The following PHF2 variants were observed in gnomAD, a reference collection of about 807,000 sequenced individuals.
The protein encoded by PHF2 is PHD finger protein 2.
Under a neutral mutation model 120.5 loss-of-function variants are expected in PHF2, and 27 were observed. The ratio of observed to expected loss-of-function variants is 0.22; its 90% CI spans 0.17 to 0.31. PHF2 has a LOEUF of 0.31. Ranked by LOEUF, PHF2 falls within the 10% of genes least tolerant of loss-of-function variation. The pLI is 1.00. For synonymous variants in PHF2, 568 were observed against 592.5 expected (o/e 0.96, Z 0.60); for missense variants, 1,024 against 1,434.8 (o/e 0.71, Z 4.63).
At chr9:93,595,339 G>C (rs557965477) in intron 1 of PHF2, among the ~76,000 whole-genome samples, 1 of 152,336 alleles carries the variant, frequency 6.6e-6, no homozygotes, top group South Asian at 2.1e-4. Context: ...ATTATCTGTG[G>C]ATGCTCAGAT....
At chr9:93,632,724 A>T (rs1293268507) in intron 2 of PHF2, among the ~76,000 whole-genome samples, 1 of 152,096 alleles carries the variant, frequency 6.6e-6, no homozygotes, top group African/African-American at 2.4e-5. Flanking sequence ...ATTTCAACAG[A>T]TAAATTTTGG....
At chr9:93,668,104 G>A (rs563388485) in intron 17 of PHF2, among the ~76,000 whole-genome samples, 3 of 152,312 alleles carry the variant, frequency 2.0e-5, no homozygotes, top group South Asian at 4.1e-4. Flanking sequence ...TCAATTGGCC[G>A]TACTTTCTTT....
intron 12 of PHF2, among the ~76,000 whole-genome samples, chr9:93,662,023 GATGA>G (rs1826577730): frequency 6.6e-6 from 1 of 151,318 alleles, no homozygotes; most frequent in African/African-American, 2.4e-5. Flanking sequence ...ATGGGTAGAT[GATGA>G]ATGAATCAAC....
At chr9:93,616,769 G>T (rs923328892) in intron 1 of PHF2, among the ~76,000 whole-genome samples, 1 of 151,608 alleles carries the variant, frequency 6.6e-6, no homozygotes, top group Non-Finnish European at 1.5e-5. Context: ...GATTTCTCCT[G>T]CTGCAGCATC....
chr9:93,606,671 T>C (rs1825548585), intron 1 of PHF2, among the ~76,000 whole-genome samples: 1 of 152,218 alleles, frequency 6.6e-6, no homozygotes, highest in South Asian at 2.1e-4. Context: ...TTCTTAACAG[T>C]GTCTTTTGCA....
chr9:93,616,324 G>T (rs1825728683), intron 1 of PHF2, among the ~76,000 whole-genome samples: 1 of 152,162 alleles, frequency 6.6e-6, no homozygotes, highest in African/African-American at 2.4e-5. Flanking sequence ...TGGCCTGAAG[G>T]GTGCAAATCT....
At chr9:93,654,617 C>T (rs3750355) in intron 7 of PHF2, 42 bp downstream of exon 7, 19,648 of 1,585,904 alleles carry the variant, frequency 0.012, 346 homozygotes, top group Admixed American at 0.076. Context: ...TAGGGCTTGC[C>T]GGCCCTCATC....
At chr9:93,619,189 C>T (rs1205060113) in intron 1 of PHF2, among the ~76,000 whole-genome samples, 1 of 152,144 alleles carries the variant, frequency 6.6e-6, no homozygotes, top group Non-Finnish European at 1.5e-5. Context: ...TACCCTTTCC[C>T]TCAGTGTGCC....
chr9:93,580,117 C>T (rs1362968261), intron 1 of PHF2, among the ~76,000 whole-genome samples: 1 of 152,164 alleles, frequency 6.6e-6, no homozygotes, highest in Non-Finnish European at 1.5e-5. Flanking sequence ...GATGTGTGTC[C>T]CTTCACCAAG....
At chr9:93,672,863 G>T in intron 17 of PHF2, 1 of 964,000 alleles carries the variant, frequency 1.0e-6, no homozygotes, top group Non-Finnish European at 1.2e-6. Flanking sequence ...GGTGGAGGTA[G>T]GTACAGGTGT....
At chr9:93,616,353 A>G (rs1391870266) in intron 1 of PHF2, among the ~76,000 whole-genome samples, 2 of 152,182 alleles carry the variant, frequency 1.3e-5, no homozygotes, top group Non-Finnish European at 2.9e-5. Flanking sequence ...CTTTTGATAC[A>G]TACAGCTGGG....
chr9:93,660,681 A>C, intron 12 of PHF2, 121 bp downstream of exon 12: 1 of 937,304 alleles, frequency 1.1e-6, no homozygotes, highest in South Asian at 1.9e-5. Context: ...GCCCCTGAGA[A>C]GATGTGGGGG....
At chr9:93,607,301 T>A (rs2131622726) in intron 1 of PHF2, among the ~76,000 whole-genome samples, 1 of 152,290 alleles carries the variant, frequency 6.6e-6, no homozygotes, top group East Asian at 1.9e-4. Flanking sequence ...AGACAGGGTC[T>A]CACTCTGTCA....
At chr9:93,644,110 G>T (rs1396087571) in intron 3 of PHF2, among the ~76,000 whole-genome samples, 2 of 152,178 alleles carry the variant, frequency 1.3e-5, no homozygotes, top group African/African-American at 4.8e-5. Context: ...GGCTCGGCTG[G>T]GCGCGGTGGC....
chr9:93,599,074 G>A (rs1340953408), intron 1 of PHF2, among the ~76,000 whole-genome samples: 2 of 152,170 alleles, frequency 1.3e-5, no homozygotes, highest in East Asian at 1.9e-4. Flanking sequence ...AGGTCTCAGC[G>A]AGCTAGTCCC....
In PHF2 at chr9:93,656,798, G is replaced by A. The variant is rs555838076; in HGVS notation, c.1147+203G>A. On this transcript the variant is annotated intron_variant, in intron 9 of 21. Transcript: ENST00000359246. This position sits in a 1 kb window ranked among gnomAD's most constrained non-coding sequence, Gnocchi z 4.1. ...TTGAACAGGCTGGGCCTCTCCTTCC[G>A]ATTGGACTGTCCCTTGTTTTAGAAC... Among the ~76,000 whole-genome samples the A allele has an allele frequency of 8.8e-4, 134 of 152,292 alleles. 1 individual carries two copies. Among genetic ancestry groups the A allele is most frequent in the South Asian group, 1.4e-3 (7 of 4,828 alleles).
chr9:93,658,845 C>T (rs1289221307), intron 10 of PHF2, among the ~76,000 whole-genome samples: 1 of 152,170 alleles, frequency 6.6e-6, no homozygotes, highest in Non-Finnish European at 1.5e-5. Context: ...GTGCGCGCCC[C>T]CACAGAAGCC....
intron 1 of PHF2, among the ~76,000 whole-genome samples, chr9:93,591,772 G>A (rs2131605720): frequency 6.6e-6 from 1 of 152,270 alleles, no homozygotes; most frequent in South Asian, 2.1e-4. Flanking sequence ...AGCTTCCCTA[G>A]CAAGGGAGTC....
At chr9:93,628,920 G>A (rs1439677298) in intron 1 of PHF2, among the ~76,000 whole-genome samples, 1 of 151,372 alleles carries the variant, frequency 6.6e-6, no homozygotes, top group African/African-American at 2.5e-5. Context: ...TGTTTGAGAT[G>A]GAGTCTCATT....
Sources: allele counts gnomAD v4.1 joint callset (sites outside exome capture counted in the v4.1 genomes callset), GRCh38; gene constraint gnomAD v4.1.1; non-coding constraint Gnocchi (gnomAD v3.1); transcripts MANE v1.5; gene names NCBI Gene and HGNC (gene_info 2026-07-23, HGNC 2026-07-21).